CCSER1: variants seen among roughly 807,000 people sequenced by gnomAD.
CCSER1 encodes serine-rich coiled-coil domain-containing protein 1.
Under a neutral mutation model 82.0 loss-of-function variants are expected in CCSER1, and 41 were observed. The observed-to-expected ratio is 0.50, with a 90% CI of 0.39 to 0.65. CCSER1 has a LOEUF of 0.65. Ranked by LOEUF, CCSER1 falls within the 30% of genes least tolerant of loss-of-function variation. The pLI is 0.00. For missense variants in CCSER1, 1,119 were observed against 1,064.2 expected, an observed-to-expected ratio of 1.05 and a Z score of -0.72; for synonymous variants, 414 against 383.9, an observed-to-expected ratio of 1.08 and a Z score of -0.92.
chr4:90,882,401 G>C (rs1402658551), intron 8 of CCSER1, among the ~76,000 whole-genome samples: 2 of 151,858 alleles, frequency 1.3e-5, no homozygotes, highest in Non-Finnish European at 2.9e-5. Context: ...AGAACATAGA[G>C]AGCCAAGACA....
At chr4:90,911,564 A>G (rs956093860) in intron 8 of CCSER1, among the ~76,000 whole-genome samples, 3 of 152,132 alleles carry the variant, frequency 2.0e-5, no homozygotes, top group African/African-American at 7.2e-5. Flanking sequence ...GATGCAGAAG[A>G]TGGTTAATTT....
intron 10 of CCSER1, among the ~76,000 whole-genome samples, chr4:91,532,032 T>C (rs551429056): frequency 1.3e-5 from 2 of 152,282 alleles, no homozygotes; most frequent in East Asian, 3.9e-4. Flanking sequence ...TGACATATTA[T>C]AGCCAATCAG....
At chr4:90,237,987 C>T (rs937764851) in intron 1 of CCSER1, among the ~76,000 whole-genome samples, 1 of 152,058 alleles carries the variant, frequency 6.6e-6, no homozygotes, top group African/African-American at 2.4e-5. Context: ...TGGTCTTGCT[C>T]CCTAGAGTGT....
At chr4:91,399,748 G>A (rs1396152048) in intron 10 of CCSER1, among the ~76,000 whole-genome samples, 2 of 151,932 alleles carry the variant, frequency 1.3e-5, no homozygotes, top group Non-Finnish European at 2.9e-5. Context: ...ATTGGGGAAA[G>A]AGCAAATATA....
intron 10 of CCSER1, among the ~76,000 whole-genome samples, chr4:91,448,993 G>A (rs558449036): frequency 3.9e-5 from 6 of 152,132 alleles, no homozygotes; most frequent in Non-Finnish European, 7.4e-5. Context: ...TTTTACATGG[G>A]GTGGTCAGGG....
chr4:91,000,618 C>A (rs556075166), intron 9 of CCSER1, among the ~76,000 whole-genome samples: 2 of 152,006 alleles, frequency 1.3e-5, no homozygotes, highest in Admixed American at 6.6e-5. Context: ...TTTTGTAGTT[C>A]TCCTTTTAGA....
At chr4:90,489,754 G>C (rs538912021) in intron 5 of CCSER1, among the ~76,000 whole-genome samples, 1 of 152,114 alleles carries the variant, frequency 6.6e-6, no homozygotes, top group Non-Finnish European at 1.5e-5. Context: ...TCCCACCTAT[G>C]AGTGAGAACA....
In CCSER1 at chr4:90,332,351, C is replaced by A. The variant is rs148092264; in HGVS notation, c.1509+19304C>A. Among the ~76,000 whole-genome samples the A allele has an allele frequency of 5.5e-3, 834 of 152,030 alleles. 5 individuals carry two copies. The highest frequency in any genetic ancestry group is 8.4e-3 in the Non-Finnish European group (568 of 67,986). On this transcript the variant is annotated intron_variant, in intron 3 of 10. Transcript: ENST00000509176. ...TACTGGGTTCAAGCAATTCTCCTGCCTCAGCCTCCCACGTAGCTGGGATTA... is the reference window on the plus strand; with the variant it reads ...TACTGGGTTCAAGCAATTCTCCTGCATCAGCCTCCCACGTAGCTGGGATTA...
At chr4:90,365,007 G>A (rs1477850490) in intron 3 of CCSER1, among the ~76,000 whole-genome samples, 1 of 151,786 alleles carries the variant, frequency 6.6e-6, no homozygotes, top group Non-Finnish European at 1.5e-5. Flanking sequence ...AACTTTGAAG[G>A]CCTAAACTCA....
At chr4:91,495,730 T>A (rs1342277838) in intron 10 of CCSER1, among the ~76,000 whole-genome samples, 3 of 151,596 alleles carry the variant, frequency 2.0e-5, no homozygotes, top group Non-Finnish European at 4.4e-5. Context: ...GAACGAAATG[T>A]AAATAATAAA....
intron 10 of CCSER1, among the ~76,000 whole-genome samples, chr4:91,228,042 T>C (rs1738343692): frequency 6.6e-6 from 1 of 152,062 alleles, no homozygotes; most frequent in South Asian, 2.1e-4. Flanking sequence ...ATTTCATTGC[T>C]TTAACCACTC....
intron 6 of CCSER1, among the ~76,000 whole-genome samples, chr4:90,644,793 T>C (rs974172853): frequency 4.6e-5 from 7 of 151,970 alleles, no homozygotes; most frequent in African/African-American, 1.7e-4. Flanking sequence ...TCAAAGGACA[T>C]GATCTTGGCC....
At chr4:90,883,650 A>C (rs1721673130) in intron 8 of CCSER1, among the ~76,000 whole-genome samples, 1 of 152,190 alleles carries the variant, frequency 6.6e-6, no homozygotes, top group Non-Finnish European at 1.5e-5. Context: ...TAAAGTGGAG[A>C]GTGGCAGAGA....
intron 10 of CCSER1, among the ~76,000 whole-genome samples, chr4:91,258,365 A>T (rs998175783): frequency 2.0e-5 from 3 of 152,076 alleles, no homozygotes; most frequent in Non-Finnish European, 2.9e-5. Context: ...ATTTTCAGAA[A>T]TTTCCTTGGT....
At chr4:91,355,113 T>A (rs1168391490) in intron 10 of CCSER1, among the ~76,000 whole-genome samples, 1 of 152,166 alleles carries the variant, frequency 6.6e-6, no homozygotes, top group Non-Finnish European at 1.5e-5. Flanking sequence ...CCAAACAAGA[T>A]CTTTTTTTAA....
At chr4:91,219,666 G>A (rs1217680402) in intron 10 of CCSER1, among the ~76,000 whole-genome samples, 2 of 152,132 alleles carry the variant, frequency 1.3e-5, no homozygotes, top group Admixed American at 6.5e-5. Context: ...GTTAGGAAGA[G>A]ATTCACAAGA....
intron 10 of CCSER1, among the ~76,000 whole-genome samples, chr4:91,394,685 A>G (rs979768439): frequency 1.7e-4 from 26 of 152,262 alleles, no homozygotes; most frequent in African/African-American, 6.3e-4. Flanking sequence ...TCTATTTTAC[A>G]TGACAGAAAG....
At chr4:91,029,417 C>G (rs1740778929) in intron 9 of CCSER1, among the ~76,000 whole-genome samples, 1 of 151,808 alleles carries the variant, frequency 6.6e-6, no homozygotes, top group South Asian at 2.1e-4. Flanking sequence ...AATAATCTAC[C>G]CAAATACTTT....
At chr4:91,389,932 T>C (rs373103905) in intron 10 of CCSER1, among the ~76,000 whole-genome samples, 5 of 152,102 alleles carry the variant, frequency 3.3e-5, no homozygotes, top group African/African-American at 1.2e-4. Context: ...TTCCTGTGCA[T>C]TGTTATAATC....
Sources: gnomAD v4.1 joint callset for allele counts (sites outside exome capture counted in the v4.1 genomes callset) on GRCh38, gnomAD v4.1.1 for gene constraint, MANE v1.5 for transcripts, NCBI Gene and HGNC (gene_info 2026-07-23, HGNC 2026-07-21) for gene names.